Variants in LMBRD1 observed in about 807,000 individuals in gnomAD.
LMBRD1 encodes LMBR1 domain containing 1.
Under a neutral mutation model 74.8 loss-of-function variants are expected in LMBRD1, and 64 were observed. That is an observed-to-expected ratio of 0.86 (90% CI 0.70 to 1.05). LMBRD1 has a LOEUF of 1.05. Among genes scored for constraint, LMBRD1 ranks in the 50% least tolerant of loss-of-function variants. The probability of loss-of-function intolerance (pLI) is 0.00; values close to 1 mark genes in which losing one functional copy is unlikely to be tolerated. For missense variants in LMBRD1, 652 were observed against 645.9 expected (o/e 1.01, Z -0.10); for synonymous variants, 204 against 216.3 (o/e 0.94, Z 0.50).
rs1376688365 is a variant in LMBRD1, at chr6:69,741,855, G to T, written c.496C>A (p.Pro166Thr). The part of the protein sequence containing the change: ...LVGAFVPLNV[P>T]NNKNSTEWEK... Reference sequence around the variant, plus strand: ...CACTCTGTAGAATTTTTGTTATTGGGAACATTCAATGGAACAAAGGCACTA... The same window carrying T: ...CACTCTGTAGAATTTTTGTTATTGGTAACATTCAATGGAACAAAGGCACTA... The change falls in exon 6 of 16, where the codon CCC (proline) becomes ACC (threonine). Residue 166 changes from proline (P) to threonine (T), a missense_variant. By Grantham distance (38) the Pro-to-Thr change is conservative. Around this residue, in one of 3 missense-constraint regions of LMBRD1, gnomAD observed 598 missense variants for 581.8 expected, o/e 1.03. Coordinates refer to ENST00000649934, the MANE Select transcript of LMBRD1 (RefSeq NM_018368.4). The T allele has an allele frequency of 1.2e-6, 2 of 1,601,732 alleles. No homozygotes were observed. The highest frequency in any genetic ancestry group is 1.7e-6 in the Non-Finnish European group (2 of 1,169,176).
At chr6:69,681,623 G>GTA (rs201706675) in intron 14 of LMBRD1, among the ~76,000 whole-genome samples, 2,454 of 151,794 alleles carry the variant, frequency 0.016, 52 homozygotes, top group African/African-American at 0.055. Context: ...TATTTTACGT[G>GTA]TATATATATA....
chr6:69,774,033 A>T (rs906508514), intron 3 of LMBRD1, among the ~76,000 whole-genome samples: 2 of 152,210 alleles, frequency 1.3e-5, no homozygotes, highest in Non-Finnish European at 2.9e-5. Flanking sequence ...TATGTGGATG[A>T]TATGGTTTGG....
At chr6:69,707,794 T>G (rs760182592) in intron 9 of LMBRD1, among the ~76,000 whole-genome samples, 2 of 152,112 alleles carry the variant, frequency 1.3e-5, no homozygotes, top group Non-Finnish European at 2.9e-5. Context: ...ATAGGCAAAC[T>G]GATGGAGAGC....
intron 7 of LMBRD1, among the ~76,000 whole-genome samples, chr6:69,734,530 C>T (rs1018036141): frequency 2.0e-5 from 3 of 151,848 alleles, no homozygotes; most frequent in African/African-American, 7.3e-5. Context: ...CGAGTACCTG[C>T]GATTACAGGA....
chr6:69,792,013 T>C (rs993427314), intron 1 of LMBRD1, among the ~76,000 whole-genome samples: 1 of 152,206 alleles, frequency 6.6e-6, no homozygotes, highest in Non-Finnish European at 1.5e-5. Flanking sequence ...ACCAGCACCA[T>C]GGCAGTTCCA....
At chr6:69,764,152 G>A (rs1765430361) in intron 3 of LMBRD1, among the ~76,000 whole-genome samples, 1 of 152,178 alleles carries the variant, frequency 6.6e-6, no homozygotes, top group Non-Finnish European at 1.5e-5. Context: ...TATGCAGTAA[G>A]TTTGTCCCCC....
At chr6:69,731,364 A>G (rs1234604873) in intron 7 of LMBRD1, among the ~76,000 whole-genome samples, 1 of 152,106 alleles carries the variant, frequency 6.6e-6, no homozygotes, top group East Asian at 1.9e-4. Flanking sequence ...GGATATTCCA[A>G]TTACCCTGAT....
intron 2 of LMBRD1, 138 bp from the exon 3 acceptor site, chr6:69,780,692 G>A: frequency 1.5e-6 from 1 of 688,810 alleles, no homozygotes; most frequent in South Asian, 1.5e-5. Context: ...TTCAATAAGT[G>A]AGAGACAGAC....
At chr6:69,787,995 T>C (rs890738553) in intron 2 of LMBRD1, among the ~76,000 whole-genome samples, 1 of 152,202 alleles carries the variant, frequency 6.6e-6, no homozygotes, top group African/African-American at 2.4e-5. Flanking sequence ...TGCAATCTCA[T>C]AGATTTAAAT....
At chr6:69,706,864 C>G (rs1766271181) in intron 9 of LMBRD1, among the ~76,000 whole-genome samples, 1 of 152,106 alleles carries the variant, frequency 6.6e-6, no homozygotes, top group African/African-American at 2.4e-5. Context: ...AATGACACAC[C>G]ACCACAAACT....
chr6:69,791,623 T>C (rs901333739), intron 1 of LMBRD1, among the ~76,000 whole-genome samples: 1 of 152,206 alleles, frequency 6.6e-6, no homozygotes, highest in Non-Finnish European at 1.5e-5. Flanking sequence ...GTTACTTTCT[T>C]TCTGAGCATC....
chr6:69,780,529 C>G lies in LMBRD1; in HGVS notation c.272G>C (p.Arg91Thr), dbSNP rs779390344. ...GTATAATACAGTGTCCTCAATCTGT[C>G]TGCTGACATTAGCATTAGCCCAGTC... is the stretch of plus-strand genomic sequence containing the variant. Reference protein sequence around the residue: ...FKDWANANVSRQIEDTVLYGY... With the variant: ...FKDWANANVSTQIEDTVLYGY... Residue 91 changes from arginine to threonine, a missense_variant, in exon 3 of 16, where the codon AGA becomes ACA. This residue lies in a region of LMBRD1 where 598 missense variants were observed against 581.8 expected (regional missense o/e 1.03). Coordinates refer to ENST00000649934, the MANE Select transcript of LMBRD1 (RefSeq NM_018368.4). 3 of 1,609,782 alleles carry G rather than the reference C, an allele frequency of 1.9e-6. No individual in the cohort carries two copies. The highest frequency in any genetic ancestry group is 2.6e-6 in the Non-Finnish European group (3 of 1,176,374).
intron 14 of LMBRD1, among the ~76,000 whole-genome samples, chr6:69,689,622 T>C (rs947472335): frequency 6.6e-6 from 1 of 152,092 alleles, no homozygotes; most frequent in African/African-American, 2.4e-5. Context: ...AGAGTGAGAT[T>C]TTCCTAAAGC....
chr6:69,759,610 C>T (rs1266546712), intron 3 of LMBRD1, among the ~76,000 whole-genome samples: 1 of 151,924 alleles, frequency 6.6e-6, no homozygotes, highest in Non-Finnish European at 1.5e-5. Flanking sequence ...TATATGATAT[C>T]TTATAGATAC....
chr6:69,705,286 C>T, intron 9 of LMBRD1: 3 of 735,750 alleles, frequency 4.1e-6, no homozygotes, highest in Admixed American at 1.7e-5. Context: ...AAACTATTTT[C>T]TTAAAGAGAC....
chr6:69,762,215 C>T (rs144781430), intron 3 of LMBRD1, among the ~76,000 whole-genome samples: 1 of 152,298 alleles, frequency 6.6e-6, no homozygotes, highest in East Asian at 1.9e-4. Context: ...ACTATAAAAA[C>T]TGCTACTATG....
At chr6:69,683,965 A>G (rs958955698) in intron 14 of LMBRD1, among the ~76,000 whole-genome samples, 1 of 152,108 alleles carries the variant, frequency 6.6e-6, no homozygotes, top group Non-Finnish European at 1.5e-5. Flanking sequence ...ACCAGCAATG[A>G]CACTTCCCAG....
At chr6:69,682,753 C>G (rs1185106631) in intron 14 of LMBRD1, among the ~76,000 whole-genome samples, 1 of 151,902 alleles carries the variant, frequency 6.6e-6, no homozygotes, top group African/African-American at 2.4e-5. Flanking sequence ...ATATTAAAGA[C>G]AGAAAACTGA....
rs559258363 is a variant in LMBRD1, at chr6:69,795,080, A to G, written c.69+1733T>C. Among the ~76,000 whole-genome samples the G allele has an allele frequency of 2.0e-5, 3 of 152,346 alleles. No individual in the cohort carries two copies. In the South Asian group the frequency reaches 6.2e-4, roughly 32 times the overall value. ...ATCATTGCAGCTGTATTTTCTCCATACACTTCGACTAAAATAACATACCCC... is the reference window on the plus strand; with the variant it reads ...ATCATTGCAGCTGTATTTTCTCCATGCACTTCGACTAAAATAACATACCCC... On this transcript the variant is annotated intron_variant, in intron 1 of 15. Transcript: ENST00000649934.
Sources: allele counts gnomAD v4.1 joint callset (sites outside exome capture counted in the v4.1 genomes callset), GRCh38; gene constraint gnomAD v4.1.1; regional missense constraint gnomAD v4.1.1; transcripts MANE v1.5; gene names NCBI Gene and HGNC (gene_info 2026-07-23, HGNC 2026-07-21).